Variants in DBI observed in about 807,000 individuals in gnomAD.
DBI encodes diazepam binding inhibitor, acyl-CoA binding protein.
DBI carries 12 observed loss-of-function variants against 13.0 expected under a neutral mutation model. The ratio of observed to expected loss-of-function variants is 0.92; its 90% confidence interval spans 0.59 to 1.49. The LOEUF (loss-of-function observed/expected upper bound fraction) is 1.49, where lower values mean the gene tolerates loss of function less well. Ranked by LOEUF, DBI falls within the 40% of genes most tolerant of loss-of-function variation. DBI has a pLI of 0.00. For synonymous variants in DBI, 37 were observed against 37.4 expected, an observed-to-expected ratio of 0.99 and a Z score of 0.04; for missense variants, 95 against 104.8, an observed-to-expected ratio of 0.91 and a Z score of 0.41.
chr2:119,367,533 C>G (rs776992779), intron 1 of DBI: 5 of 1,607,370 alleles, frequency 3.1e-6, no homozygotes, highest in East Asian at 2.2e-5. Context: ...GGAGAGGTGA[C>G]CCAGGGGCCC....
In DBI at chr2:119,368,308, A is replaced by G. The variant is rs1676017684; in HGVS notation, c.127+3A>G. 2 of 1,608,660 alleles carry G rather than the reference A, an allele frequency of 1.2e-6. No individual in the cohort carries two copies. The highest frequency in any genetic ancestry group is 1.7e-6 in the Non-Finnish European group (2 of 1,175,032). On this transcript the variant is annotated splice_donor_region_variant and intron_variant, in intron 2 of 3. Coordinates refer to ENST00000355857, the MANE Select transcript of DBI (RefSeq NM_001079862.4). Reference sequence around the variant, plus strand: ...AACTGTGGGCGACATAAATACAGGTATGCAGAGCGGGGGTTGGAAGGGCAT... The same window carrying G: ...AACTGTGGGCGACATAAATACAGGTGTGCAGAGCGGGGGTTGGAAGGGCAT...
intron 1 of DBI, 98 bp downstream of exon 1, chr2:119,367,158 G>A (rs1681066885): frequency 1.3e-6 from 2 of 1,565,968 alleles, no homozygotes; most frequent in Admixed American, 1.9e-5. Flanking sequence ...CTTTCCTTCC[G>A]TGCCCCTCAC....
chr2:119,367,158 G>T, intron 1 of DBI, 98 bp downstream of exon 1: 1 of 1,565,968 alleles, frequency 6.4e-7, no homozygotes, highest in Non-Finnish European at 8.6e-7. Flanking sequence ...CTTTCCTTCC[G>T]TGCCCCTCAC....
At chr2:119,371,083 C>T (rs146625137) in intron 3 of DBI, among the ~76,000 whole-genome samples, 2 of 152,272 alleles carry the variant, frequency 1.3e-5, no homozygotes, top group African/African-American at 4.8e-5. Flanking sequence ...ATGTAGTTGG[C>T]GTAGGCTTTG....
chr2:119,368,051 G>C, intron 1 of DBI, 137 bp from the exon 2 acceptor site: 1 of 1,537,178 alleles, frequency 6.5e-7, no homozygotes, highest in East Asian at 2.2e-5. Flanking sequence ...ACACACTTCA[G>C]GGGCTGCATT....
At position 119,372,374 on chromosome 2, in the gene DBI, GT is replaced by G; in HGVS notation, c.*63del. The G allele has an allele frequency of 1.5e-6, 2 of 1,360,364 alleles. No individual in the cohort carries two copies. The highest frequency in any genetic ancestry group is 2.1e-6 in the Non-Finnish European group (2 of 950,598). 84.3% of individuals were successfully genotyped at this position (1,360,364 alleles called of 1,614,324 possible). On this transcript the variant is annotated 3_prime_UTR_variant, in exon 4 of 4. Transcript: ENST00000355857. Reference sequence around the variant, plus strand: ...TTATCCTAAACTGAGACAATGCCTTGTTTTTTTCTAATACCGTGGATGGTGG... The same window carrying G: ...TTATCCTAAACTGAGACAATGCCTTGTTTTTTCTAATACCGTGGATGGTGG...
intron 1 of DBI, 199 bp from the exon 2 acceptor site, chr2:119,367,989 T>G: frequency 6.2e-7 from 1 of 1,611,864 alleles, no homozygotes; most frequent in Non-Finnish European, 8.5e-7. Flanking sequence ...GGGCTTCCCC[T>G]TCTTGTGTTG....
At chr2:119,367,822 T>C (rs1482485094) in intron 1 of DBI, 27 of 1,612,458 alleles carry the variant, frequency 1.7e-5, no homozygotes, top group Non-Finnish European at 1.9e-5. Context: ...GGCCCGGTGG[T>C]GGCCAGGCAG....
At chr2:119,367,826 C>CCCCTTCCTCCT in intron 1 of DBI, 2 of 1,612,996 alleles carry the variant, frequency 1.2e-6, no homozygotes, top group Admixed American at 3.3e-5. Flanking sequence ...CGGTGGTGGC[C>CCCCTTCCTCCT]AGGCAGTTGG....
At chr2:119,371,249 G>A (rs768509938) in intron 3 of DBI, among the ~76,000 whole-genome samples, 134 of 152,284 alleles carry the variant, frequency 8.8e-4, no homozygotes, top group Non-Finnish European at 1.7e-3. Context: ...GCCTGCCGCT[G>A]GCATCGTAGG....
intron 2 of DBI, chr2:119,370,176 T>C (rs1439171164): frequency 6.6e-6 from 1 of 152,190 alleles, no homozygotes; most frequent in Non-Finnish European, 1.5e-5. Context: ...CAACTGCAGA[T>C]GACAACAGGT....
At chr2:119,370,668 T>C (rs1443364981) in intron 2 of DBI, 72 bp from the exon 3 acceptor site, 1 of 1,414,816 alleles carries the variant, frequency 7.1e-7, no homozygotes, top group African/African-American at 1.4e-5. Context: ...ATGGCATTTA[T>C]GGCAAGAAGG....
In DBI at chr2:119,369,948, C is replaced by T. The variant is rs190968915; in HGVS notation, c.128-792C>T. ...TATACATGTACATTTCCATTTCCAC[C>T]GCTTGGAGAGAGCTGTCGAGGAGTG... On this transcript the variant is annotated intron_variant, in intron 2 of 3. Coordinates refer to ENST00000355857, the MANE Select transcript of DBI (RefSeq NM_001079862.4). 9.2e-5 allele frequency among the ~76,000 whole-genome samples: 14 copies of T among 152,236 alleles called. No individual in the cohort carries two copies. The East Asian group carries it at 1.5e-3, about 17-fold the overall frequency.
intron 2 of DBI, chr2:119,368,548 T>G: frequency 4.4e-6 from 2 of 452,246 alleles, no homozygotes; most frequent in Admixed American, 3.4e-5. Flanking sequence ...TACTCTCTAC[T>G]AGGGAAGAAG....
intron 1 of DBI, chr2:119,367,588 T>G: frequency 6.2e-7 from 1 of 1,613,974 alleles, no homozygotes; most frequent in Non-Finnish European, 8.5e-7. Context: ...CCGAGCTATG[T>G]GGGGCGACCT....
At chr2:119,368,046 C>G in intron 1 of DBI, 142 bp from the exon 2 acceptor site, 1 of 1,534,350 alleles carries the variant, frequency 6.5e-7, no homozygotes, top group Non-Finnish European at 9.0e-7. Flanking sequence ...GGCAGACACA[C>G]TTCAGGGGCT....
chr2:119,369,452 G>A (rs572060236), intron 2 of DBI, among the ~76,000 whole-genome samples: 5 of 152,254 alleles, frequency 3.3e-5, no homozygotes, highest in African/African-American at 4.8e-5. Context: ...GTCCAAACAC[G>A]ATAGTTTAGT....
intron 1 of DBI, chr2:119,367,567 C>T (rs1410069033): frequency 6.2e-7 from 1 of 1,613,938 alleles, no homozygotes; most frequent in African/African-American, 1.3e-5. Context: ...AGTGTAGACC[C>T]TTGTCTGAGA....
intron 1 of DBI, chr2:119,367,540 G>A: frequency 6.2e-7 from 1 of 1,609,240 alleles, no homozygotes; most frequent in Non-Finnish European, 8.5e-7. Context: ...TGACCCAGGG[G>A]CCCCTCCCTT....
Sources: gnomAD v4.1 joint callset for allele counts (sites outside exome capture counted in the v4.1 genomes callset) on GRCh38, gnomAD v4.1.1 for gene constraint, MANE v1.5 for transcripts, NCBI Gene and HGNC (gene_info 2026-07-23, HGNC 2026-07-21) for gene names.